The following DIPK1A variants were observed in gnomAD, a reference collection of about 807,000 sequenced individuals.
DIPK1A encodes the protein divergent protein kinase domain 1A.
DIPK1A carries 27 observed loss-of-function variants against 40.8 expected under a neutral mutation model. That is an observed-to-expected ratio of 0.66 (90% CI 0.49 to 0.91). The LOEUF (loss-of-function observed/expected upper bound fraction) is 0.91, where lower values mean the gene tolerates loss of function less well. Among genes scored for constraint, DIPK1A ranks in the 40% least tolerant of loss-of-function variants. DIPK1A has a pLI of 0.00. For missense variants in DIPK1A, 412 were observed against 505.7 expected (o/e 0.81, Z 1.78); for synonymous variants, 166 against 171.3 (o/e 0.97, Z 0.24).
intron 1 of DIPK1A, among the ~76,000 whole-genome samples, chr1:92,901,774 G>A (rs1649420525): frequency 6.6e-6 from 1 of 152,104 alleles, no homozygotes; most frequent in Non-Finnish European, 1.5e-5. Context: ...GCCCTGGGAG[G>A]CAGGGAATGC....
intron 1 of DIPK1A, among the ~76,000 whole-genome samples, chr1:92,885,598 C>T (rs748392993): frequency 3.9e-5 from 6 of 152,138 alleles, no homozygotes; most frequent in Non-Finnish European, 8.8e-5. Context: ...TCAGGTGATC[C>T]GCCCACCTCG....
chr1:92,871,550 A>G (rs1412098168), intron 2 of DIPK1A, among the ~76,000 whole-genome samples: 1 of 152,210 alleles, frequency 6.6e-6, no homozygotes, highest in East Asian at 1.9e-4. Flanking sequence ...CCTAGAAATA[A>G]TAATATGCAT....
At chr1:92,939,309 G>A (rs1246597764) in intron 1 of DIPK1A, among the ~76,000 whole-genome samples, 1 of 152,096 alleles carries the variant, frequency 6.6e-6, no homozygotes, top group East Asian at 1.9e-4. Flanking sequence ...TCACCTTTGG[G>A]GAGGGAAGTC....
At chr1:92,874,666 CCTT>C (rs1648031497) in intron 2 of DIPK1A, among the ~76,000 whole-genome samples, 1 of 152,156 alleles carries the variant, frequency 6.6e-6, no homozygotes, top group African/African-American at 2.4e-5. Context: ...CCTGTTTCCT[CCTT>C]CTTCACTGAA....
chr1:92,855,538 A>AT lies in DIPK1A; in HGVS notation c.190-4584dup, dbSNP rs1388208448. ...ACATAGTGAGACCTCATATCTAAAA[A>AT]TTTTTTTTTTTTTAAATTAGCCAGG... is the stretch of plus-strand genomic sequence containing the variant. On this transcript the variant is annotated intron_variant, in intron 2 of 4. Transcript: ENST00000370310. Among the ~76,000 whole-genome samples, 528 of 146,736 alleles carry AT rather than the reference A, an allele frequency of 3.6e-3. 4 individuals are homozygous for AT. The highest frequency in any genetic ancestry group is 0.011 in the African/African-American group (449 of 40,222).
chr1:92,961,232 C>T, intron 1 of DIPK1A, 144 bp downstream of exon 1: 1 of 383,624 alleles, frequency 2.6e-6, no homozygotes, highest in Non-Finnish European at 4.2e-6. Context: ...GGCGCGCCGC[C>T]AGGTGCCGGA....
chr1:92,932,653 C>T (rs912578044), intron 1 of DIPK1A: 2 of 152,032 alleles, frequency 1.3e-5, no homozygotes, highest in Admixed American at 1.3e-4. Context: ...GTCAGACATA[C>T]CCTACCTGAT....
At chr1:92,892,827 A>T (rs910466690) in intron 1 of DIPK1A, among the ~76,000 whole-genome samples, 5 of 150,160 alleles carry the variant, frequency 3.3e-5, no homozygotes, top group Admixed American at 6.7e-5. Context: ...GAGCTAAAAA[A>T]CCACAGCACG....
In DIPK1A at chr1:92,844,029, T is replaced by C; in HGVS notation, c.641A>G (p.His214Arg). The change falls in exon 5 of 5, where the codon CAT (histidine) becomes CGT (arginine). Residue 214 changes from histidine (H) to arginine (R), a missense_variant. Coordinates refer to ENST00000370310, the MANE Select transcript of DIPK1A (RefSeq NM_001006605.5). Reference sequence around the variant, plus strand: ...ACAGAATCCCATTAATTTGGGGGTATGTTCTTTATCTTGAAGTATCACCAT... The same window carrying C: ...ACAGAATCCCATTAATTTGGGGGTACGTTCTTTATCTTGAAGTATCACCAT... The part of the protein sequence containing the change: ...LLMVILQDKE[H>R]TPKLMGFCGD... 1 of 1,552,186 alleles carries C rather than the reference T, an allele frequency of 6.4e-7. No homozygotes were observed. Among genetic ancestry groups the C allele is most frequent in the Non-Finnish European group, 8.7e-7 (1 of 1,147,082 alleles).
At chr1:92,835,500 G>GA (rs560861965) in intron 4 of DIPK1A, among the ~76,000 whole-genome samples, 6,079 of 129,128 alleles carry the variant, frequency 0.047, 276 homozygotes, top group East Asian at 0.18. Flanking sequence ...TAAAAAAGTA[G>GA]AAAAAAAAAA....
At chr1:92,949,077 A>G (rs2100907169) in intron 1 of DIPK1A, among the ~76,000 whole-genome samples, 1 of 151,884 alleles carries the variant, frequency 6.6e-6, no homozygotes, top group African/African-American at 2.4e-5. Context: ...AAGTACTGGG[A>G]TTAGTTAACT....
intron 2 of DIPK1A, among the ~76,000 whole-genome samples, chr1:92,857,957 G>T (rs761234792): frequency 9.9e-5 from 15 of 152,172 alleles, no homozygotes; most frequent in South Asian, 8.3e-4. Context: ...CACTAAAGGT[G>T]TCTCTGGTCA....
downstream of DIPK1A, among the ~76,000 whole-genome samples, chr1:92,839,358 C>T (rs752808119): frequency 2.6e-5 from 4 of 151,886 alleles, no homozygotes; most frequent in African/African-American, 4.8e-5. Context: ...GACTTCATGT[C>T]AAAAAACAAA....
intron 2 of DIPK1A, among the ~76,000 whole-genome samples, chr1:92,851,542 CAAA>C (rs59664439): frequency 2.3e-4 from 8 of 34,780 alleles, no homozygotes; most frequent in Non-Finnish European, 3.9e-4. Flanking sequence ...GACCCTATCT[CAAA>C]AAAAAAAAAA....
intron 1 of DIPK1A, among the ~76,000 whole-genome samples, chr1:92,922,388 TGTG>T (rs1204904871): frequency 1.3e-5 from 2 of 151,754 alleles, no homozygotes; most frequent in African/African-American, 2.4e-5. Flanking sequence ...TTCTGGATCT[TGTG>T]GTAAATAATG....
At chr1:92,924,221 T>C (rs768148990) in intron 1 of DIPK1A, among the ~76,000 whole-genome samples, 47 of 152,218 alleles carry the variant, frequency 3.1e-4, no homozygotes, top group Admixed American at 5.2e-4. Flanking sequence ...TTACTTATTG[T>C]TTATAGTAGT....
At chr1:92,846,859 G>A (rs12092679) in intron 4 of DIPK1A, among the ~76,000 whole-genome samples, 29 of 2,210 alleles carry the variant, frequency 0.013, 5 homozygotes, top group African/African-American at 0.1. Context: ...ATATATATAT[G>A]TGTGTATATA....
chr1:92,948,262 T>G (rs560858347), intron 1 of DIPK1A, among the ~76,000 whole-genome samples: 1 of 152,222 alleles, frequency 6.6e-6, no homozygotes, highest in South Asian at 2.1e-4. Context: ...GTAGACATGT[T>G]GACACATGAG....
At chr1:92,839,272 T>C (rs1007192391), downstream of DIPK1A, among the ~76,000 whole-genome samples, 1 of 152,144 alleles carries the variant, frequency 6.6e-6, no homozygotes, top group Non-Finnish European at 1.5e-5. Context: ...GGCAGAAGAA[T>C]TGCTTGAACC....
Sources: gnomAD v4.1 joint callset for allele counts (sites outside exome capture counted in the v4.1 genomes callset) on GRCh38, gnomAD v4.1.1 for gene constraint, MANE v1.5 for transcripts, NCBI Gene and HGNC (gene_info 2026-07-23, HGNC 2026-07-21) for gene names.